ZNF3: variants seen among roughly 807,000 people sequenced by gnomAD.
ZNF3 encodes the protein C2-H2 type zinc finger protein.
In ZNF3, 16 loss-of-function variants were observed where a neutral mutation model predicts 36.9. The ratio of observed to expected loss-of-function variants is 0.43; its 90% CI spans 0.29 to 0.66. ZNF3 has a LOEUF of 0.66. Among genes scored for constraint, ZNF3 ranks in the 30% least tolerant of loss-of-function variants. The pLI is 0.13. For missense variants in ZNF3, 462 were observed against 543.1 expected (o/e 0.85, Z 1.48); for synonymous variants, 201 against 201.9 (o/e 1.00, Z 0.04).
chr7:100,071,920 GA>G lies in ZNF3; in HGVS notation c.563del (p.Ile188ThrfsTer237). On this transcript the variant is annotated frameshift_variant, in exon 6 of 6. Coordinates refer to ENST00000299667, the MANE Select transcript of ZNF3 (RefSeq NM_032924.5). LOFTEE classifies it high-confidence loss of function. ...GNSFTVNSNLISHQRLPVGDR... is the reference protein window; with the variant it reads ...GNSFTVNSNLXSHQRLPVGDR... ...CTCCCACGGGGAGTCTCTGATGTGA[GA>G]TAAGGTTGGAATTCACAGTGAAGCT... The G allele has an allele frequency of 6.2e-7, 1 of 1,614,232 alleles. No homozygotes were observed. Among genetic ancestry groups the G allele is most frequent in the East Asian group, 2.2e-5 (1 of 44,890 alleles).
chr7:100,063,856 A>G, downstream of ZNF3: 1 of 1,614,118 alleles, frequency 6.2e-7, no homozygotes, highest in Non-Finnish European at 8.5e-7. Flanking sequence ...AGAGGGGCTC[A>G]AAGGGGATAT....
intron 1 of ZNF3, among the ~76,000 whole-genome samples, chr7:100,080,309 C>G (rs968360906): frequency 6.6e-6 from 1 of 152,146 alleles, no homozygotes; most frequent in Non-Finnish European, 1.5e-5. Flanking sequence ...GGACCTTCAC[C>G]GCACAGAGAC....
chr7:100,075,654 G>A, intron 3 of ZNF3, 24 bp from the exon 4 acceptor site: 3 of 1,611,564 alleles, frequency 1.9e-6, no homozygotes, highest in Non-Finnish European at 1.7e-6. Flanking sequence ...AAAGGGCCCA[G>A]GAATGAGTCC....
Position 100,081,210 on chromosome 7 carries a change from C to T in ZNF3, c.-198+425G>A, listed in dbSNP as rs182877361. Among the ~76,000 whole-genome samples, 25 of 152,344 alleles carry T rather than the reference C, an allele frequency of 1.6e-4. No homozygotes were observed. The East Asian group carries it at 4.4e-3, about 27-fold the overall frequency. On this transcript the variant is annotated intron_variant, in intron 1 of 5. Transcript: ENST00000299667. The surrounding 1 kb of genome is among the most constrained non-coding windows in gnomAD (Gnocchi z 4.3). ...TACGCTTAGCAGAATTTCTCTGATCCTTGGACCCAGCTGCGTAAAAATAAA... is the reference window on the plus strand; with the variant it reads ...TACGCTTAGCAGAATTTCTCTGATCTTTGGACCCAGCTGCGTAAAAATAAA...
At chr7:100,065,786 T>G (rs1792621574), downstream of ZNF3, among the ~76,000 whole-genome samples, 1 of 150,976 alleles carries the variant, frequency 6.6e-6, no homozygotes, top group South Asian at 2.1e-4. Flanking sequence ...CATATCCCAA[T>G]TATCTTCTCA....
chr7:100,076,814 G>A (rs1032547728), intron 3 of ZNF3, among the ~76,000 whole-genome samples: 10 of 152,132 alleles, frequency 6.6e-5, no homozygotes, highest in Non-Finnish European at 1.0e-4. Flanking sequence ...GGCCAGGCGC[G>A]GTGGGTCATG....
rs1792872132 is a variant in ZNF3, at chr7:100,069,987, A to G, written c.*1156T>C. On this transcript the variant is annotated 3_prime_UTR_variant, in exon 6 of 6. Transcript: ENST00000299667. ...CACACTCAATCTCTTCTGAAAAACT[A>G]TTCTGTTTAATAGTGCACTTCATTT... 16 of 985,784 alleles carry G rather than the reference A, an allele frequency of 1.6e-5. No individual in the cohort carries two copies. The highest frequency in any genetic ancestry group is 1.9e-5 in the Non-Finnish European group (16 of 829,918). The allele number at this position is 985,784 out of a possible 1,614,324, so 61.1% of individuals were successfully genotyped here.
intron 2 of ZNF3, chr7:100,079,024 T>C (rs910183267): frequency 1.3e-5 from 2 of 152,132 alleles, no homozygotes; most frequent in African/African-American, 4.8e-5. Flanking sequence ...ATATAGAATG[T>C]CCAATACCAG....
chr7:100,069,279 G>C (rs1792804884), downstream of ZNF3, among the ~76,000 whole-genome samples: 1 of 152,136 alleles, frequency 6.6e-6, no homozygotes, highest in African/African-American at 2.4e-5. Context: ...TTTAGGGCCA[G>C]GCATGGTGGC....
At chr7:100,072,466 C>T (rs1266762536) in intron 5 of ZNF3, among the ~76,000 whole-genome samples, 1 of 152,010 alleles carries the variant, frequency 6.6e-6, no homozygotes, top group Non-Finnish European at 1.5e-5. Context: ...GAGGGGAGGA[C>T]GGATCAGGCA....
At position 100,071,661 on chromosome 7, in the gene ZNF3, G is replaced by T; in HGVS notation, c.823C>A (p.Arg275=). 1 of 1,613,810 alleles carries T rather than the reference G, an allele frequency of 6.2e-7. No individual in the cohort carries two copies. The highest frequency in any genetic ancestry group is 8.5e-7 in the Non-Finnish European group (1 of 1,179,926). ...FSCSSALILH[R]RIHTGEKPYE... Reference sequence around the variant, plus strand: ...GGTTTCTCCCCCGTGTGGATCCTCCGATGCAGAATGAGGGCAGAGCTACAG... The same window carrying T: ...GGTTTCTCCCCCGTGTGGATCCTCCTATGCAGAATGAGGGCAGAGCTACAG... The change falls in exon 6 of 6, where the codon CGG becomes AGG. Residue 275 remains arginine (R), a synonymous_variant. Transcript: ENST00000299667.
At chr7:100,064,338 C>T in exon 6 of ZNF3, 1 of 1,613,840 alleles carries the variant, frequency 6.2e-7, no homozygotes. Flanking sequence ...ACTATCGGAT[C>T]CACACTGGGG....
At chr7:100,077,216 G>C in intron 3 of ZNF3, 87 bp downstream of exon 3, 1 of 1,529,992 alleles carries the variant, frequency 6.5e-7, no homozygotes, top group African/African-American at 1.4e-5. Flanking sequence ...GATTCTAGTA[G>C]TTAGCCTAGT....
At chr7:100,065,417 CTG>C (rs2116194722), downstream of ZNF3, among the ~76,000 whole-genome samples, 1 of 149,720 alleles carries the variant, frequency 6.7e-6, no homozygotes, top group South Asian at 2.1e-4. Flanking sequence ...GAACGAGACT[CTG>C]TCTCAAAAAA....
intron 5 of ZNF3, among the ~76,000 whole-genome samples, chr7:100,074,862 C>T (rs543078206): frequency 1.3e-5 from 2 of 151,940 alleles, no homozygotes; most frequent in South Asian, 2.1e-4. Flanking sequence ...GGTGAAACCC[C>T]GTCTCTACTA....
chr7:100,080,657 CA>C (rs537750656), intron 1 of ZNF3, among the ~76,000 whole-genome samples: 3 of 152,138 alleles, frequency 2.0e-5, no homozygotes, highest in African/African-American at 7.2e-5. Context: ...ACTAAAAATA[CA>C]AAAAATTCGC....
intron 5 of ZNF3, among the ~76,000 whole-genome samples, chr7:100,073,985 G>A (rs1393637364): frequency 1.3e-5 from 2 of 151,828 alleles, no homozygotes; most frequent in African/African-American, 2.4e-5. Context: ...GAAAAACTCC[G>A]TCTCTACTAA....
chr7:100,080,689 T>C (rs1334673893), intron 1 of ZNF3, among the ~76,000 whole-genome samples: 1 of 152,084 alleles, frequency 6.6e-6, no homozygotes. Context: ...GGCGGGCGCC[T>C]GTAGTCCCAA....
chr7:100,078,798 T>C (rs1247060394), intron 2 of ZNF3: 3 of 152,182 alleles, frequency 2.0e-5, no homozygotes, highest in East Asian at 3.8e-4. Flanking sequence ...GCTAACTCTA[T>C]TGCCACTCAC....
Sources: gnomAD v4.1 joint callset for allele counts (sites outside exome capture counted in the v4.1 genomes callset) on GRCh38, gnomAD v4.1.1 for gene constraint, Gnocchi (gnomAD v3.1) non-coding constraint, MANE v1.5 for transcripts, NCBI Gene and HGNC (gene_info 2026-07-23, HGNC 2026-07-21) for gene names.